The following CLCA1 variants were observed in gnomAD, a reference collection of about 807,000 sequenced individuals.
CLCA1 encodes the protein calcium-activated chloride channel regulator 1.
Under a neutral mutation model 85.6 loss-of-function variants are expected in CLCA1, and 59 were observed. That is an observed-to-expected ratio of 0.69 (90% confidence interval 0.56 to 0.86). The LOEUF (loss-of-function observed/expected upper bound fraction) is 0.86. Among genes scored for constraint, CLCA1 ranks in the 40% least tolerant of loss-of-function variants. The pLI, the probability that CLCA1 is intolerant of heterozygous loss-of-function variation, is 0.00. For missense variants in CLCA1, 1,022 were observed against 1,101.4 expected, an observed-to-expected ratio of 0.93 and a Z score of 1.02; for synonymous variants, 396 against 398.3, an observed-to-expected ratio of 0.99 and a Z score of 0.07.
At chr1:86,470,313 G>A (rs974443088) in intron 1 of CLCA1, among the ~76,000 whole-genome samples, 1 of 152,218 alleles carries the variant, frequency 6.6e-6, no homozygotes, top group Admixed American at 6.5e-5. Context: ...AAGAGGATCA[G>A]GCTGTCTGTG....
intron 4 of CLCA1, among the ~76,000 whole-genome samples, chr1:86,478,064 A>T (rs5744333): frequency 9.8e-4 from 149 of 152,294 alleles, no homozygotes; most frequent in African/African-American, 3.4e-3. Context: ...TCTTTATAAC[A>T]GTCAGACTCT....
intron 1 of CLCA1, among the ~76,000 whole-genome samples, chr1:86,472,439 C>G (rs1036777010): frequency 5.9e-5 from 9 of 152,204 alleles, no homozygotes; most frequent in African/African-American, 2.2e-4. Context: ...CTTTCTACCT[C>G]TGAATGCTGG....
At chr1:86,469,355 G>A (rs1408105097) in intron 1 of CLCA1, among the ~76,000 whole-genome samples, 1 of 152,172 alleles carries the variant, frequency 6.6e-6, no homozygotes, top group African/African-American at 2.4e-5. Flanking sequence ...GTGATATACT[G>A]TTGGCAACTG....
Position 86,500,017 on chromosome 1 carries a change from T to G in CLCA1, c.2717T>G (p.Ile906Arg). 1.2e-6 allele frequency: 2 copies of G among 1,611,828 alleles called. No homozygotes were observed. The highest frequency in any genetic ancestry group is 1.7e-6 in the Non-Finnish European group (2 of 1,177,970). The part of the protein sequence containing the change: ...IHILKIMWKW[I>R]GELQLSIA ...ATTTTAAAAATTATGTGGAAGTGGA[T>G]AGGAGAACTGCAGCTGTCAATAGCC... is the stretch of plus-strand genomic sequence containing the variant. The change falls in exon 14 of 14, where the codon ATA (isoleucine) becomes AGA (arginine). Residue 906 changes from isoleucine (I) to arginine (R), a missense_variant. By Grantham distance (97) the Ile-to-Arg change is moderately conservative. Transcript: ENST00000394711.
Position 86,468,963 on chromosome 1 carries a change from T to G in CLCA1, c.-9T>G. On this transcript the variant is annotated 5_prime_UTR_variant, in exon 1 of 14. The change abolishes an upstream ATG in the 5' untranslated region. Coordinates refer to ENST00000394711, the MANE Select transcript of CLCA1 (RefSeq NM_001285.4). Reference sequence around the variant, plus strand: ...TCCAAAGAGAGAAATCACAGGGAGATGTACAGCAATGGGGCCATTTAAGAG... The same window carrying G: ...TCCAAAGAGAGAAATCACAGGGAGAGGTACAGCAATGGGGCCATTTAAGAG... 1 of 1,591,942 alleles carries G rather than the reference T, an allele frequency of 6.3e-7. No homozygotes were observed. The highest frequency in any genetic ancestry group is 8.6e-7 in the Non-Finnish European group (1 of 1,167,958).
chr1:86,474,566 A>AG (rs1371825377), intron 3 of CLCA1, among the ~76,000 whole-genome samples: 2,454 of 106,064 alleles, frequency 0.023, 78 homozygotes, highest in African/African-American at 0.078. Context: ...AAAAAAAAAA[A>AG]GGGGGGGGAT....
At chr1:86,476,675 G>T in intron 4 of CLCA1, 122 bp downstream of exon 4, 1 of 504,246 alleles carries the variant, frequency 2.0e-6, no homozygotes, top group Non-Finnish European at 3.6e-6. Flanking sequence ...CATTCTTAGT[G>T]CCTTCTTTTT....
At chr1:86,491,540 A>T (rs1415845243) in intron 9 of CLCA1, among the ~76,000 whole-genome samples, 169 bp downstream of exon 9, 2 of 152,344 alleles carry the variant, frequency 1.3e-5, no homozygotes, top group South Asian at 2.1e-4. Flanking sequence ...AACACTACTC[A>T]TTTAAACAAG....
At chr1:86,477,119 G>A (rs1393476528) in intron 4 of CLCA1, among the ~76,000 whole-genome samples, 1 of 152,132 alleles carries the variant, frequency 6.6e-6, no homozygotes, top group Non-Finnish European at 1.5e-5. Context: ...CATGTTGCCA[G>A]GCTGATCTTA....
At chr1:86,478,751 C>T (rs531471385) in intron 4 of CLCA1, among the ~76,000 whole-genome samples, 1 of 152,140 alleles carries the variant, frequency 6.6e-6, no homozygotes, top group Non-Finnish European at 1.5e-5. Context: ...ATTTTTCTTT[C>T]GACAGATAAG....
intron 4 of CLCA1, among the ~76,000 whole-genome samples, chr1:86,481,376 C>T (rs369340512): frequency 1.3e-5 from 2 of 151,982 alleles, no homozygotes; most frequent in African/African-American, 4.8e-5. Flanking sequence ...TGGCCTCAAG[C>T]AATCCACCCG....
In CLCA1 at chr1:86,489,062, A is replaced by G; in HGVS notation, c.1249A>G (p.Thr417Ala). ...GCTGCTGACGGATGGGGAAGACAAC[A>G]CTATAAGTGGGTGCTTTAACGAGGT... ...IVLLTDGEDN[T>A]ISGCFNEVKQ... The change falls in exon 8 of 14, where the codon ACT (threonine) becomes GCT (alanine). Residue 417 changes from threonine (T) to alanine (A), a missense_variant. Coordinates refer to ENST00000394711, the MANE Select transcript of CLCA1 (RefSeq NM_001285.4). 2.5e-6 allele frequency: 4 copies of G among 1,614,086 alleles called. No individual in the cohort carries two copies. The highest frequency in any genetic ancestry group is 3.4e-6 in the Non-Finnish European group (4 of 1,179,996).
intron 3 of CLCA1, among the ~76,000 whole-genome samples, chr1:86,474,253 G>A (rs958804840): frequency 2.6e-5 from 4 of 152,180 alleles, no homozygotes; most frequent in African/African-American, 9.7e-5. Flanking sequence ...TATATGTGCA[G>A]TGCTCTCAGA....
At chr1:86,485,253 T>C (rs939347311) in intron 5 of CLCA1, 90 bp from the exon 6 acceptor site, 11 of 942,342 alleles carry the variant, frequency 1.2e-5, no homozygotes, top group African/African-American at 1.7e-5. Context: ...GCCAAGGTTA[T>C]GCATTAGCAG....
chr1:86,480,547 TG>T (rs1162857051), intron 4 of CLCA1, among the ~76,000 whole-genome samples: 1 of 151,994 alleles, frequency 6.6e-6, no homozygotes, highest in African/African-American at 2.4e-5. Flanking sequence ...CACCTGAGCC[TG>T]GGGGTGAGGT....
rs1251564335 is a variant in CLCA1, at chr1:86,498,682, G to T, written c.2224G>T (p.Val742Phe). 6.2e-7 allele frequency: 1 copy of T among 1,614,020 alleles called. No homozygotes were observed. Among genetic ancestry groups the T allele is most frequent in the Admixed American group, 1.7e-5 (1 of 60,002 alleles). ...SSGGSFVASD[V>F]PNAPIPDLFP... ...GGGAGGCTCATTTGTGGCTTCTGAT[G>T]TCCCAAATGCTCCCATACCTGATCT... Residue 742 changes from valine to phenylalanine, a missense_variant, in exon 13 of 14, where the codon GTC (valine) becomes TTC (phenylalanine). Val to Phe is a conservative substitution (Grantham distance 50). Coordinates refer to ENST00000394711, the MANE Select transcript of CLCA1 (RefSeq NM_001285.4).
chr1:86,470,497 T>C lies in CLCA1; in HGVS notation c.162+1364T>C, dbSNP rs139319923. On this transcript the variant is annotated intron_variant, in intron 1 of 13. Transcript: ENST00000394711. ...CCAGAAGGAGAATGTAGATGCCGTA[T>C]TCATCTTCAGTGACCGTGGTAATTT... Among the ~76,000 whole-genome samples the C allele has an allele frequency of 3.3e-3, 497 of 152,336 alleles. 3 individuals are homozygous for C. Among genetic ancestry groups the C allele is most frequent in the African/African-American group, 0.011 (471 of 41,578 alleles).
At position 86,493,490 on chromosome 1, in the gene CLCA1, T is replaced by C. The variant is rs2791494; in HGVS notation, c.1571T>C (p.Met524Thr). Residue 524 changes from methionine to threonine, a missense_variant, in exon 10 of 14, where the codon ATG (methionine) becomes ACG (threonine). Met to Thr is a moderately conservative substitution (Grantham distance 81). Coordinates refer to ENST00000394711, the MANE Select transcript of CLCA1 (RefSeq NM_001285.4). ...KDTLFLITWT[M>T]QPPQILLWDP... is the part of the protein sequence containing the mutation. ...ACTTTGTTTCTTATCACCTGGACAA[T>C]GCAGCCTCCCCAAATCCTTCTCTGG... The C allele has an allele frequency of 0.82, 1,327,934 of 1,613,822 alleles. 547,415 individuals carry two copies. The highest frequency in any genetic ancestry group is 0.91 in the East Asian group (41,054 of 44,880).
At chr1:86,479,084 G>C (rs1460132881) in intron 4 of CLCA1, among the ~76,000 whole-genome samples, 1 of 152,210 alleles carries the variant, frequency 6.6e-6, no homozygotes, top group Non-Finnish European at 1.5e-5. Flanking sequence ...TGGAAAGGAA[G>C]AGAGAAAATC....
Sources: gnomAD v4.1 joint callset for allele counts (sites outside exome capture counted in the v4.1 genomes callset) on GRCh38, gnomAD v4.1.1 for gene constraint, MANE v1.5 for transcripts, NCBI Gene and HGNC (gene_info 2026-07-23, HGNC 2026-07-21) for gene names.